SNX6: variants seen among roughly 807,000 people sequenced by gnomAD.
SNX6 encodes the protein sorting nexin 6, also known as sorting nexin-6.
In SNX6, 34 loss-of-function variants were observed where a neutral mutation model predicts 63.0. The ratio of observed to expected loss-of-function variants is 0.54; its 90% confidence interval spans 0.41 to 0.72. SNX6 has a LOEUF of 0.72. SNX6 is among the 30% of genes least tolerant of loss of function. The pLI, the probability that SNX6 is intolerant of heterozygous loss-of-function variation, is 0.00. For synonymous variants in SNX6, 170 were observed against 164.2 expected, an observed-to-expected ratio of 1.04 and a Z score of -0.27; for missense variants, 398 against 471.4, an observed-to-expected ratio of 0.84 and a Z score of 1.44.
chr14:34,596,577 C>T (rs1159301936), intron 7 of SNX6, among the ~76,000 whole-genome samples: 2 of 148,416 alleles, frequency 1.3e-5, no homozygotes, highest in Admixed American at 1.3e-4. Context: ...CGAGATTATG[C>T]CACTGCACTC....
intron 2 of SNX6, among the ~76,000 whole-genome samples, chr14:34,618,366 G>C (rs1248733011): frequency 1.3e-5 from 2 of 151,716 alleles, no homozygotes; most frequent in Non-Finnish European, 2.9e-5. Context: ...TTTTGGGGAG[G>C]GGGGGATGGA....
At chr14:34,586,399 C>T (rs1882159684) in intron 8 of SNX6, 94 bp from the exon 9 acceptor site, 4 of 701,336 alleles carry the variant, frequency 5.7e-6, no homozygotes, top group Non-Finnish European at 2.4e-6. Context: ...TAATATGAGA[C>T]ACTCTAGTAA....
rs546644676 is a variant in SNX6, at chr14:34,564,062, T to C, written c.1168-887A>G. Among the ~76,000 whole-genome samples the C allele has an allele frequency of 3.9e-5, 6 of 152,020 alleles. No homozygotes were observed. In the South Asian group the frequency reaches 1.3e-3, roughly 32 times the overall value. ...CTTTGTTTTGAGACAGAGTCTTGCTTTGTCACCCAGACTAAAGTGCAGTGG... is the reference window on the plus strand; with the variant it reads ...CTTTGTTTTGAGACAGAGTCTTGCTCTGTCACCCAGACTAAAGTGCAGTGG... On this transcript the variant is annotated intron_variant, in intron 13 of 13. Transcript: ENST00000362031.
intron 2 of SNX6, among the ~76,000 whole-genome samples, chr14:34,614,766 T>A (rs769310269): frequency 5.3e-5 from 8 of 152,020 alleles, no homozygotes; most frequent in Non-Finnish European, 1.2e-4. Flanking sequence ...AATAAAAAAA[T>A]TAGCTGGGCA....
chr14:34,610,239 G>A (rs1594741892), intron 2 of SNX6, among the ~76,000 whole-genome samples: 1 of 150,742 alleles, frequency 6.6e-6, no homozygotes, highest in South Asian at 2.1e-4. Flanking sequence ...CACACCTGTG[G>A]TCTCAGTACA....
chr14:34,616,583 C>T (rs1594747439), intron 2 of SNX6, among the ~76,000 whole-genome samples: 3 of 152,066 alleles, frequency 2.0e-5, no homozygotes, highest in East Asian at 3.9e-4. Flanking sequence ...GTCTTGAGCT[C>T]GTGGGTTCAA....
intron 11 of SNX6, among the ~76,000 whole-genome samples, chr14:34,571,218 G>A (rs188601690): frequency 0.019 from 2,959 of 151,786 alleles, 89 homozygotes; most frequent in African/African-American, 0.065. Flanking sequence ...TGGATCACGA[G>A]GTCAGGAGAT....
In SNX6 at chr14:34,586,289, G is replaced by A. The variant is rs1882154499; in HGVS notation, c.735C>T (p.Tyr245=). 6.2e-7 allele frequency: 1 copy of A among 1,605,934 alleles called. No homozygotes were observed. The highest frequency in any genetic ancestry group is 1.7e-5 in the Admixed American group (1 of 59,898). Residue 245 remains tyrosine (Y), a synonymous_variant, in exon 9 of 14, where the codon TAC becomes TAT. Coordinates refer to ENST00000362031, the MANE Select transcript of SNX6 (RefSeq NM_152233.4). ...CATATAATGAAGAACCAATTCTATT[G>A]TAATCATCTGCAGCACCTATGGAGA... ...TRSHKSAADD[Y]NRIGSSLYAL...
At chr14:34,615,906 T>C (rs1405669545) in intron 2 of SNX6, among the ~76,000 whole-genome samples, 2 of 152,214 alleles carry the variant, frequency 1.3e-5, no homozygotes, top group African/African-American at 2.4e-5. Context: ...TCATGGTTCA[T>C]CAATTCTAGA....
chr14:34,568,433 G>A (rs183225674), intron 11 of SNX6, among the ~76,000 whole-genome samples: 9 of 151,986 alleles, frequency 5.9e-5, no homozygotes, highest in South Asian at 4.2e-4. Context: ...GTTTCACCAC[G>A]TTAGCCAGGA....
chr14:34,563,739 T>C (rs1881039763), intron 13 of SNX6, among the ~76,000 whole-genome samples: 1 of 152,072 alleles, frequency 6.6e-6, no homozygotes, highest in Admixed American at 6.6e-5. Context: ...AGTAAATTTT[T>C]TTTCTTTTTT....
At chr14:34,626,918 TA>T (rs1452536913) in intron 2 of SNX6, among the ~76,000 whole-genome samples, 1 of 152,200 alleles carries the variant, frequency 6.6e-6, no homozygotes, top group East Asian at 1.9e-4. Context: ...TCATATGCTT[TA>T]TATTTAGAAT....
intron 7 of SNX6, among the ~76,000 whole-genome samples, chr14:34,596,027 G>A (rs1001099021): frequency 4.6e-5 from 7 of 151,814 alleles, no homozygotes; most frequent in African/African-American, 1.7e-4. Flanking sequence ...AGACCATCTT[G>A]GCTAACATGG....
intron 11 of SNX6, among the ~76,000 whole-genome samples, chr14:34,570,725 CTT>C (rs35102326): frequency 0.33 from 37,441 of 114,258 alleles, 5,986 homozygotes; most frequent in Non-Finnish European, 0.47. Context: ...CTGGCCTTCT[CTT>C]TTTTTTTTTT....
chr14:34,617,107 G>C (rs1486152158), intron 2 of SNX6, among the ~76,000 whole-genome samples: 3 of 151,182 alleles, frequency 2.0e-5, no homozygotes, highest in Admixed American at 6.6e-5. Flanking sequence ...TCAACTTTCT[G>C]TAACTAGTGA....
chr14:34,621,238 C>G (rs568079465), intron 2 of SNX6, among the ~76,000 whole-genome samples: 9 of 152,200 alleles, frequency 5.9e-5, no homozygotes, highest in East Asian at 1.9e-4. Flanking sequence ...TGAGCCACTG[C>G]GTCAGCTTCT....
chr14:34,604,262 C>A, intron 5 of SNX6: 1 of 1,281,282 alleles, frequency 7.8e-7, no homozygotes, highest in Non-Finnish European at 1.0e-6. Context: ...TCTCTGTTAT[C>A]CAACCCCTAA....
intron 2 of SNX6, among the ~76,000 whole-genome samples, chr14:34,626,682 G>C (rs1200610541): frequency 1.2e-5 from 1 of 85,082 alleles, no homozygotes. Flanking sequence ...AAAAAAAAAA[G>C]AGAAAGTTTC....
Position 34,575,827 on chromosome 14 carries a change from C to G in SNX6, c.850G>C (p.Val284Leu), listed in dbSNP as rs771343227. The change falls in exon 11 of 14, where the codon GTG becomes CTG. Residue 284 changes from valine to leucine, a missense_variant. By Grantham distance (32) the Val-to-Leu change is conservative. Coordinates refer to ENST00000362031, the MANE Select transcript of SNX6 (RefSeq NM_152233.4). ...FDKTRKIEAR[V>L]SADEDLKLSD... is the part of the protein sequence containing the mutation. ...AGTTTGAGGTCTTCATCAGCAGACA[C>G]TCGTGCTTCTATTTTCTGAAAAGAA... 1 of 1,583,728 alleles carries G rather than the reference C, an allele frequency of 6.3e-7. No individual in the cohort carries two copies. The highest frequency in any genetic ancestry group is 8.6e-7 in the Non-Finnish European group (1 of 1,164,304).
Sources: allele counts gnomAD v4.1 joint callset (sites outside exome capture counted in the v4.1 genomes callset), GRCh38; gene constraint gnomAD v4.1.1; transcripts MANE v1.5; gene names NCBI Gene and HGNC (gene_info 2026-07-23, HGNC 2026-07-21).